The following NRXN3 variants were observed in gnomAD, a reference collection of about 807,000 sequenced individuals.
The protein encoded by NRXN3 is neurexin III.
In NRXN3, 32 loss-of-function variants were observed where a neutral mutation model predicts 137.6. The observed-to-expected ratio is 0.23, with a 90% CI of 0.18 to 0.31. The LOEUF (loss-of-function observed/expected upper bound fraction) is 0.31. Among genes scored for constraint, NRXN3 ranks in the 10% least tolerant of loss-of-function variants. The probability of loss-of-function intolerance (pLI) is 1.00; values close to 1 mark genes in which losing one functional copy is unlikely to be tolerated. For synonymous variants in NRXN3, 798 were observed against 784.5 expected, an observed-to-expected ratio of 1.02 and a Z score of -0.29; for missense variants, 1,574 against 2,062.5, an observed-to-expected ratio of 0.76 and a Z score of 4.59.
chr14:79,259,679 CTA>C (rs903121734), intron 15 of NRXN3, among the ~76,000 whole-genome samples: 10 of 136,476 alleles, frequency 7.3e-5, no homozygotes, highest in African/African-American at 2.7e-4. Context: ...CTATAGATAG[CTA>C]TATATATAGT....
chr14:78,390,219 C>T (rs1004726189), intron 4 of NRXN3, among the ~76,000 whole-genome samples: 4 of 152,106 alleles, frequency 2.6e-5, no homozygotes, highest in Admixed American at 2.6e-4. Context: ...GTATCTAGAG[C>T]AGTGGTTTTT....
At chr14:79,305,928 ATGGGAC>A in intron 15 of NRXN3, among the ~76,000 whole-genome samples, 1 of 152,196 alleles carries the variant, frequency 6.6e-6, no homozygotes, top group South Asian at 2.1e-4. Flanking sequence ...CCTGGTATCA[ATGGGAC>A]TGGGATATTA....
At chr14:79,299,533 C>G (rs1227180208) in intron 15 of NRXN3, among the ~76,000 whole-genome samples, 4 of 152,082 alleles carry the variant, frequency 2.6e-5, no homozygotes, top group African/African-American at 9.7e-5. Flanking sequence ...AACAAGACCA[C>G]CTAGTCTGCA....
chr14:78,644,761 A>G (rs2097670014), intron 4 of NRXN3, among the ~76,000 whole-genome samples: 1 of 152,240 alleles, frequency 6.6e-6, no homozygotes, highest in Admixed American at 6.5e-5. Context: ...CAGCTCTTCT[A>G]CAAGCATTTA....
intron 15 of NRXN3, among the ~76,000 whole-genome samples, chr14:79,082,737 T>C (rs1469916987): frequency 1.3e-5 from 2 of 152,176 alleles, no homozygotes; most frequent in East Asian, 3.9e-4. Context: ...ACTGGAAATC[T>C]TTCTAATGTA....
intron 20 of NRXN3, among the ~76,000 whole-genome samples, chr14:79,846,272 A>C (rs9888632): frequency 0.74 from 113,076 of 152,054 alleles, 42,610 homozygotes; most frequent in East Asian, 0.91. Flanking sequence ...AACAAGATAT[A>C]CCTGTATTTG....
chr14:79,008,915 C>T (rs368299359), intron 15 of NRXN3, among the ~76,000 whole-genome samples: 1 of 152,148 alleles, frequency 6.6e-6, no homozygotes, highest in Non-Finnish European at 1.5e-5. Flanking sequence ...CCTTGGCCTC[C>T]CAAAGTGCTA....
intron 15 of NRXN3, among the ~76,000 whole-genome samples, chr14:79,258,299 G>A (rs944103480): frequency 2.6e-5 from 4 of 152,158 alleles, no homozygotes; most frequent in Non-Finnish European, 5.9e-5. Context: ...CCAGGTTCAA[G>A]TGATTCTCGA....
chr14:79,116,883 A>T (rs1215567128), intron 15 of NRXN3, among the ~76,000 whole-genome samples: 2 of 152,236 alleles, frequency 1.3e-5, no homozygotes, highest in Non-Finnish European at 2.9e-5. Context: ...AGTGATTCTC[A>T]AAAGTTATTC....
At chr14:78,691,917 T>C (rs935192310) in intron 6 of NRXN3, among the ~76,000 whole-genome samples, 1 of 151,962 alleles carries the variant, frequency 6.6e-6, no homozygotes, top group South Asian at 2.1e-4. Flanking sequence ...AAAACGCAGA[T>C]AAAAGCATGA....
At chr14:78,713,457 C>A (rs939982294) in intron 7 of NRXN3, among the ~76,000 whole-genome samples, 3 of 152,186 alleles carry the variant, frequency 2.0e-5, no homozygotes, top group African/African-American at 7.2e-5. Flanking sequence ...GAGAGACCTT[C>A]AGTGACTCTA....
At chr14:79,024,119 C>A (rs1008802248) in intron 15 of NRXN3, among the ~76,000 whole-genome samples, 1 of 151,664 alleles carries the variant, frequency 6.6e-6, no homozygotes, top group Non-Finnish European at 1.5e-5. Context: ...CATTCATGTT[C>A]AAAAAAAATG....
At chr14:79,541,675 C>T (rs1469493465) in intron 16 of NRXN3, among the ~76,000 whole-genome samples, 1 of 152,138 alleles carries the variant, frequency 6.6e-6, no homozygotes, top group Non-Finnish European at 1.5e-5. Flanking sequence ...CACAAGAAAA[C>T]CTTGGAACTG....
intron 4 of NRXN3, among the ~76,000 whole-genome samples, chr14:78,634,419 C>T (rs1233684616): frequency 6.6e-6 from 1 of 152,184 alleles, no homozygotes; most frequent in Non-Finnish European, 1.5e-5. Context: ...AGAAAAATTG[C>T]TGCTCACAGC....
intron 8 of NRXN3, among the ~76,000 whole-genome samples, chr14:78,756,472 CAGCCTGGGTGACAG>C (rs548148750): frequency 6.7e-6 from 1 of 149,392 alleles, no homozygotes; most frequent in Non-Finnish European, 1.5e-5. Context: ...TGTACAAGAT[CAGCCTGGGTGACAG>C]AGCCTGGGTG....
intron 4 of NRXN3, among the ~76,000 whole-genome samples, chr14:78,602,267 CTTT>C (rs370669288): frequency 8.7e-5 from 10 of 115,248 alleles, no homozygotes; most frequent in Admixed American, 1.7e-4. Context: ...TCACATTAGC[CTTT>C]TTTTTTTTTT....
In NRXN3 at chr14:78,510,040, T is replaced by TTATATATATATATATATATATATATATA. The variant is rs57232548; in HGVS notation, c.758-135061_758-135060insATATATATATATATATATATATATATAT. 1.3e-3 allele frequency among the ~76,000 whole-genome samples: 186 copies of TTATATATATATATATATATATATATATA among 144,400 alleles called. 2 individuals are homozygous for TTATATATATATATATATATATATATATA. The highest frequency in any genetic ancestry group is 9.9e-3 in the East Asian group (46 of 4,662). 94.7% of individuals were successfully genotyped at this position (144,400 alleles called of 152,430 possible). A position where few individuals can be genotyped will look rare whatever the true frequency, so the allele number is the denominator to read the frequency against. On this transcript the variant is annotated intron_variant, in intron 4 of 20. Coordinates refer to ENST00000335750, the MANE Select transcript of NRXN3 (RefSeq NM_001330195.2). ...AAGGCAGCCAGAACATGACAAAATT[T>TTATATATATATATATATATATATATATA]TATATATATATATATATATTTTGGC...
intron 6 of NRXN3, among the ~76,000 whole-genome samples, chr14:78,680,417 G>GA (rs1455229023): frequency 2.0e-5 from 3 of 152,064 alleles, no homozygotes; most frequent in African/African-American, 7.2e-5. Flanking sequence ...ATTTATTACT[G>GA]AAAAAATACA....
intron 15 of NRXN3, among the ~76,000 whole-genome samples, chr14:79,029,157 GGAAA>G (rs2099603336): frequency 6.6e-6 from 1 of 151,986 alleles, no homozygotes; most frequent in Admixed American, 6.6e-5. Flanking sequence ...AAGGAAGAAA[GGAAA>G]GAGAGAGGAA....
Sources: allele counts gnomAD v4.1 joint callset (sites outside exome capture counted in the v4.1 genomes callset), GRCh38; gene constraint gnomAD v4.1.1; transcripts MANE v1.5; gene names NCBI Gene and HGNC (gene_info 2026-07-23, HGNC 2026-07-21).